SP7: variants seen among roughly 807,000 people sequenced by gnomAD.
The protein encoded by SP7 is transcription factor Sp7.
A neutral mutation model predicts 27.9 loss-of-function variants in SP7; 13 were observed. The ratio of observed to expected loss-of-function variants is 0.47; its 90% CI spans 0.30 to 0.74. The LOEUF (loss-of-function observed/expected upper bound fraction) is 0.74. Ranked by LOEUF, SP7 falls within the 30% of genes least tolerant of loss-of-function variation. The pLI is 0.06. For missense variants in SP7, 525 were observed against 558.0 expected, an observed-to-expected ratio of 0.94 and a Z score of 0.60; for synonymous variants, 219 against 226.7, an observed-to-expected ratio of 0.97 and a Z score of 0.31.
chr12:53,340,550 C>A (rs1469877075), upstream of SP7, among the ~76,000 whole-genome samples: 1 of 152,174 alleles, frequency 6.6e-6, no homozygotes, highest in Non-Finnish European at 1.5e-5. Context: ...ATCCCTACCC[C>A]CACCCAGGCC....
intron 1 of SP7, 80 bp from the exon 2 acceptor site, chr12:53,335,773 A>G: frequency 8.6e-7 from 1 of 1,160,292 alleles, no homozygotes; most frequent in South Asian, 1.5e-5. Context: ...AGAGATCTAA[A>G]GTTAGAAGGG....
At chr12:53,337,856 A>C (rs1200979378), upstream of SP7, among the ~76,000 whole-genome samples, 1 of 152,092 alleles carries the variant, frequency 6.6e-6, no homozygotes, top group African/African-American at 2.4e-5. Context: ...AGACAAAGAG[A>C]AAGCAGCAAA....
At chr12:53,332,476 GCTGAGATGGGAAGCTCA>G in intron 2 of SP7, among the ~76,000 whole-genome samples, 1 of 152,262 alleles carries the variant, frequency 6.6e-6, no homozygotes. Flanking sequence ...TCCTCAGGAG[GCTGAGATGGGAAGCTCA>G]CTTGAGCTAA....
intron 2 of SP7, among the ~76,000 whole-genome samples, chr12:53,331,131 A>G (rs547090060): frequency 2.2e-4 from 34 of 152,282 alleles, no homozygotes; most frequent in African/African-American, 7.9e-4. Flanking sequence ...AGCACTGTGA[A>G]TGAAGGAAGA....
intron 1 of SP7, among the ~76,000 whole-genome samples, chr12:53,343,210 G>A (rs1463006474): frequency 1.3e-5 from 2 of 151,966 alleles, no homozygotes; most frequent in Non-Finnish European, 2.9e-5. Context: ...AAGGAAGAGT[G>A]TTGTAGGAAG....
chr12:53,342,013 G>C (rs1405066813), intron 1 of SP7, among the ~76,000 whole-genome samples: 1 of 151,470 alleles, frequency 6.6e-6, no homozygotes, highest in Non-Finnish European at 1.5e-5. Flanking sequence ...AGCCGAGATC[G>C]CGCCACTGCA....
intron 1 of SP7, among the ~76,000 whole-genome samples, chr12:53,342,542 G>A (rs1316718345): frequency 4.6e-5 from 7 of 152,324 alleles, no homozygotes; most frequent in Admixed American, 2.6e-4. Context: ...AGGGCCAGGC[G>A]TGGTGGCTCA....
At chr12:53,339,200 C>G (rs1944801403), upstream of SP7, among the ~76,000 whole-genome samples, 2 of 152,196 alleles carry the variant, frequency 1.3e-5, no homozygotes, top group Non-Finnish European at 2.9e-5. Context: ...CACCCAGACG[C>G]TGAGCTCCAA....
chr12:53,332,475 G>A, intron 2 of SP7, among the ~76,000 whole-genome samples: 1 of 152,140 alleles, frequency 6.6e-6, no homozygotes, highest in Admixed American at 6.6e-5. Flanking sequence ...CTCCTCAGGA[G>A]GCTGAGATGG....
upstream of SP7, chr12:53,336,473 C>G (rs1228865403): frequency 6.5e-6 from 1 of 153,958 alleles, no homozygotes; most frequent in African/African-American, 2.4e-5. Context: ...GGGGACGACA[C>G]TCACACAGAG....
rs1944648018 is a variant in SP7, at chr12:53,327,755, C to T, written c.*391G>A. 1 of 214,112 alleles carries T rather than the reference C, an allele frequency of 4.7e-6. No individual in the cohort carries two copies. The highest frequency in any genetic ancestry group is 1.4e-4 in the South Asian group (1 of 6,900). The allele number at this position is 214,112 out of a possible 1,614,324, so 13.3% of individuals were successfully genotyped here. A position where few individuals can be genotyped will look rare whatever the true frequency, so the allele number is the denominator to read the frequency against. Reference sequence around the variant, plus strand: ...TGTAAGAAGTTGGGAAGACTGAAGCCTGGAGGCTGAGGGACAGCAGGAAAT... The same window carrying T: ...TGTAAGAAGTTGGGAAGACTGAAGCTTGGAGGCTGAGGGACAGCAGGAAAT... On this transcript the variant is annotated 3_prime_UTR_variant, in exon 3 of 3. Coordinates refer to ENST00000536324, the MANE Select transcript of SP7 (RefSeq NM_001173467.3).
At chr12:53,334,213 G>A (rs1021367676) in intron 2 of SP7, among the ~76,000 whole-genome samples, 3 of 152,102 alleles carry the variant, frequency 2.0e-5, no homozygotes, top group Admixed American at 6.6e-5. Flanking sequence ...AAGGGACGTG[G>A]TGTCCATCTG....
upstream of SP7, among the ~76,000 whole-genome samples, chr12:53,338,425 G>A (rs1475634727): frequency 2.0e-5 from 3 of 152,194 alleles, no homozygotes; most frequent in Non-Finnish European, 1.5e-5. Flanking sequence ...GGAAACTGAG[G>A]CAGAGGAGGA....
At chr12:53,332,899 C>T (rs1013746238) in intron 2 of SP7, among the ~76,000 whole-genome samples, 1 of 152,040 alleles carries the variant, frequency 6.6e-6, no homozygotes, top group African/African-American at 2.4e-5. Flanking sequence ...TCCCTGCGGT[C>T]GGTTTATTTT....
chr12:53,344,362 T>C lies in SP7; in HGVS notation c.-34+752A>G, dbSNP rs1026709204. On this transcript the variant is annotated intron_variant, in intron 1 of 1. Coordinates refer to the SP7 transcript ENST00000547755. This position sits in a 1 kb window ranked among gnomAD's most constrained non-coding sequence, Gnocchi z 4.6. ...CTCTGCCCCAATCCCTCCTGAACTA[T>C]TTCCTTTCCCCCTTTTCACCCATTT... is the stretch of plus-strand genomic sequence containing the variant. Among the ~76,000 whole-genome samples the C allele has an allele frequency of 6.6e-6, 1 of 151,834 alleles. No individual in the cohort carries two copies. Among genetic ancestry groups the C allele is most frequent in the African/African-American group, 2.4e-5 (1 of 41,302 alleles).
rs1409475721 is a variant in SP7 at position 53,328,778 on chromosome 12, G to C, written c.664C>G (p.His222Asp). ...TTATAGACATCTTGGGGCAAGACAT[G>C]CTGGGGCCCTGGTTGCAAGAGGTGG... is the stretch of plus-strand genomic sequence containing the variant. ...APHLLQPGPQ[H>D]VLPQDVYKPK... Residue 222 changes from histidine (H) to aspartate (D), a missense_variant, in exon 3 of 3, where the codon CAT becomes GAT. His to Asp is a moderately conservative substitution (Grantham distance 81). Transcript: ENST00000536324. This position sits in a 1 kb window ranked among gnomAD's most constrained non-coding sequence, Gnocchi z 5.1. 1.2e-6 allele frequency: 2 copies of C among 1,600,136 alleles called. No individual in the cohort carries two copies. Among genetic ancestry groups the C allele is most frequent in the Non-Finnish European group, 1.7e-6 (2 of 1,169,892 alleles).
At chr12:53,335,226 G>A (rs1269799022) in intron 2 of SP7, among the ~76,000 whole-genome samples, 1 of 152,004 alleles carries the variant, frequency 6.6e-6, no homozygotes, top group Non-Finnish European at 1.5e-5. Flanking sequence ...CACTCAGCCA[G>A]TCCTCTCTGC....
rs1013132867 is a variant in SP7 at position 53,327,315 on chromosome 12, C to G, written c.*831G>C. Reference sequence around the variant, plus strand: ...TGTAGAGACTTCATTACAAGAGAAACCCTATCAACTGAGATTCTGATGATA... The same window carrying G: ...TGTAGAGACTTCATTACAAGAGAAAGCCTATCAACTGAGATTCTGATGATA... On this transcript the variant is annotated 3_prime_UTR_variant, in exon 3 of 3. Transcript: ENST00000536324. 1 of 152,596 alleles carries G rather than the reference C, an allele frequency of 6.6e-6. No individual in the cohort carries two copies. Among genetic ancestry groups the G allele is most frequent in the Non-Finnish European group, 1.5e-5 (1 of 68,030 alleles). 9.5% of individuals were successfully genotyped at this position (152,596 alleles called of 1,614,324 possible). A position where few individuals can be genotyped will look rare whatever the true frequency, so the allele number is the denominator to read the frequency against.
In SP7 at chr12:53,329,254, G is replaced by C. The variant is rs775563759; in HGVS notation, c.188C>G (p.Ala63Gly). 6.2e-7 allele frequency: 1 copy of C among 1,613,844 alleles called. No homozygotes were observed. The highest frequency in any genetic ancestry group is 1.1e-5 in the South Asian group (1 of 91,088). ...AGTGCTTGTAAAGGGGGCTGGATAA[G>C]CATCCCCCATGGTTTTGGAGGCTGA... ...DLSASKTMGD[A>G]YPAPFTSTNG... The change falls in exon 3 of 3, where the codon GCT (alanine) becomes GGT (glycine). Residue 63 changes from alanine to glycine, a missense_variant. By Grantham distance (60) the Ala-to-Gly change is moderately conservative. Transcript: ENST00000536324.
Sources: allele counts gnomAD v4.1 joint callset (sites outside exome capture counted in the v4.1 genomes callset), GRCh38; gene constraint gnomAD v4.1.1; non-coding constraint Gnocchi (gnomAD v3.1); transcripts MANE v1.5; gene names NCBI Gene and HGNC (gene_info 2026-07-23, HGNC 2026-07-21).